CSMD3: variants seen among roughly 807,000 people sequenced by gnomAD.
CSMD3 encodes CUB and Sushi multiple domains 3.
Under a neutral mutation model 435.2 loss-of-function variants are expected in CSMD3, and 177 were observed. The ratio of observed to expected loss-of-function variants is 0.41; its 90% CI spans 0.36 to 0.46. CSMD3 has a LOEUF of 0.46. Ranked by LOEUF, CSMD3 falls within the 20% of genes least tolerant of loss-of-function variation. The probability of loss-of-function intolerance (pLI) is 0.34; values close to 1 mark genes in which losing one functional copy is unlikely to be tolerated. For synonymous variants in CSMD3, 1,656 were observed against 1,520.5 expected (o/e 1.09, Z -2.07); for missense variants, 4,265 against 4,504.6 (o/e 0.95, Z 1.52).
At chr8:112,684,256 TAA>T (rs1563849424) in intron 15 of CSMD3, among the ~76,000 whole-genome samples, 2 of 152,178 alleles carry the variant, frequency 1.3e-5, no homozygotes, top group East Asian at 1.9e-4. Context: ...TCATTTTATA[TAA>T]GTTTCTATGA....
At chr8:112,982,746 T>A (rs925536778) in intron 6 of CSMD3, among the ~76,000 whole-genome samples, 2 of 152,018 alleles carry the variant, frequency 1.3e-5, no homozygotes, top group African/African-American at 4.8e-5. Context: ...ATTTGATATA[T>A]ATGTGAGGAG....
Position 112,651,560 on chromosome 8 carries a change from C to T in CSMD3, c.3005-1211G>A, listed in dbSNP as rs538654512. ...CAGTGCATTTTTTTTTTTTTTTTGA[C>T]GGAGTCTCGCTTTGTCGCCCAGGCT... On this transcript the variant is annotated intron_variant, in intron 18 of 70. Coordinates refer to ENST00000297405, the MANE Select transcript of CSMD3 (RefSeq NM_198123.2). Among the ~76,000 whole-genome samples the T allele has an allele frequency of 1.0e-4, 14 of 139,142 alleles. No individual in the cohort carries two copies. The East Asian group carries it at 2.1e-3, about 21-fold the overall frequency. The allele number at this position is 139,142 out of a possible 152,430, so 91.3% of individuals were successfully genotyped here.
chr8:113,132,754 C>T (rs2131690499), intron 4 of CSMD3, among the ~76,000 whole-genome samples: 1 of 152,172 alleles, frequency 6.6e-6, no homozygotes, highest in East Asian at 1.9e-4. Flanking sequence ...ATTTTGGAAA[C>T]AGGAAATGCC....
intron 1 of CSMD3, among the ~76,000 whole-genome samples, chr8:113,364,123 ATG>A (rs1163622897): frequency 6.6e-6 from 1 of 152,080 alleles, no homozygotes; most frequent in African/African-American, 2.4e-5. Context: ...AAGAATTCTT[ATG>A]TGTTTTTATG....
chr8:112,835,953 C>T (rs1178788909), intron 11 of CSMD3, among the ~76,000 whole-genome samples: 3 of 151,802 alleles, frequency 2.0e-5, no homozygotes, highest in Non-Finnish European at 4.4e-5. Context: ...ACCCAGTAAC[C>T]ACTCTGTGTA....
At chr8:112,861,308 C>G (rs984213334) in intron 10 of CSMD3, among the ~76,000 whole-genome samples, 3 of 151,804 alleles carry the variant, frequency 2.0e-5, no homozygotes, top group Non-Finnish European at 4.4e-5. Context: ...TGCATGAAAG[C>G]TTGGTATCTA....
chr8:112,680,831 T>C (rs1348939226), intron 16 of CSMD3, among the ~76,000 whole-genome samples: 1 of 152,166 alleles, frequency 6.6e-6, no homozygotes, highest in Non-Finnish European at 1.5e-5. Context: ...CAATTAAATT[T>C]GTTGTACTTT....
chr8:112,741,790 AG>A (rs1482866001), intron 13 of CSMD3, among the ~76,000 whole-genome samples: 94 of 98,712 alleles, frequency 9.5e-4, no homozygotes, highest in African/African-American at 3.4e-3. Context: ...AGATAGATAG[AG>A]AGAAGATAGA....
intron 22 of CSMD3, among the ~76,000 whole-genome samples, chr8:112,606,173 T>C (rs146107527): frequency 1.2e-3 from 183 of 152,198 alleles, no homozygotes; most frequent in Non-Finnish European, 1.6e-3. Flanking sequence ...CAGTATCAGG[T>C]TACCTATGTC....
rs147049689 is a variant in CSMD3 at position 113,342,005 on chromosome 8, A to G, written c.179-27212T>C. Among the ~76,000 whole-genome samples the G allele has an allele frequency of 1.1e-3, 166 of 152,210 alleles. 2 individuals are homozygous for G. Among genetic ancestry groups the G allele is most frequent in the African/African-American group, 3.6e-3 (150 of 41,544 alleles). ...TACTCTAGAATTACCTATGATGTTC[A>G]CTATTTTCCATAATAAGGAAATTAC... On this transcript the variant is annotated intron_variant, in intron 1 of 70. Transcript: ENST00000297405.
At chr8:113,207,927 T>C (rs1226106058) in intron 3 of CSMD3, among the ~76,000 whole-genome samples, 2 of 152,190 alleles carry the variant, frequency 1.3e-5, no homozygotes, top group South Asian at 2.1e-4. Flanking sequence ...CCCTGTCTGA[T>C]TTCAGAATGG....
At chr8:113,250,568 C>T (rs562394805) in intron 3 of CSMD3, among the ~76,000 whole-genome samples, 4 of 151,822 alleles carry the variant, frequency 2.6e-5, no homozygotes, top group Admixed American at 6.6e-5. Flanking sequence ...AGATGCAGAG[C>T]GGAGTTTGGA....
intron 29 of CSMD3, among the ~76,000 whole-genome samples, chr8:112,504,345 A>G (rs897268172): frequency 1.3e-5 from 2 of 152,106 alleles, no homozygotes; most frequent in Non-Finnish European, 2.9e-5. Flanking sequence ...TTCTTATGCA[A>G]GTTACTTTAT....
At chr8:113,351,093 G>A (rs552709516) in intron 1 of CSMD3, among the ~76,000 whole-genome samples, 1 of 152,034 alleles carries the variant, frequency 6.6e-6, no homozygotes, top group African/African-American at 2.4e-5. Context: ...CACTCCATTA[G>A]TGTGCTTCCT....
At chr8:113,233,255 TG>T (rs76589834) in intron 3 of CSMD3, among the ~76,000 whole-genome samples, 14,468 of 151,484 alleles carry the variant, frequency 0.096, 901 homozygotes, top group Middle Eastern at 0.18. Flanking sequence ...TTCATATATT[TG>T]GGCTTATATA....
intron 10 of CSMD3, among the ~76,000 whole-genome samples, chr8:112,888,076 T>C (rs1286975528): frequency 2.0e-5 from 3 of 151,708 alleles, no homozygotes; most frequent in Non-Finnish European, 4.4e-5. Flanking sequence ...TTGTCTTTGA[T>C]GTCTATTCCT....
At chr8:112,745,507 T>C (rs2077407263) in intron 13 of CSMD3, among the ~76,000 whole-genome samples, 1 of 152,066 alleles carries the variant, frequency 6.6e-6, no homozygotes, top group South Asian at 2.1e-4. Context: ...TTCTGTAAAA[T>C]TATTATGCAT....
chr8:113,165,686 A>T (rs2092135435), intron 4 of CSMD3, among the ~76,000 whole-genome samples: 1 of 152,182 alleles, frequency 6.6e-6, no homozygotes, highest in African/African-American at 2.4e-5. Flanking sequence ...TACTAAAAAA[A>T]TACACAGATG....
chr8:112,533,220 T>C (rs1825709571), intron 27 of CSMD3, among the ~76,000 whole-genome samples: 1 of 151,660 alleles, frequency 6.6e-6, no homozygotes. Context: ...AAAGAGGAGT[T>C]ATAAAATAAC....
Sources: gnomAD v4.1 joint callset for allele counts (sites outside exome capture counted in the v4.1 genomes callset) on GRCh38, gnomAD v4.1.1 for gene constraint, MANE v1.5 for transcripts, NCBI Gene and HGNC (gene_info 2026-07-23, HGNC 2026-07-21) for gene names.